The following COMMD1 variants were observed in gnomAD, a reference collection of about 807,000 sequenced individuals.
COMMD1 encodes COMM domain-containing protein 1.
COMMD1 carries 10 observed loss-of-function variants against 17.2 expected under a neutral mutation model. The ratio of observed to expected loss-of-function variants is 0.58; its 90% confidence interval spans 0.36 to 0.99. The LOEUF (loss-of-function observed/expected upper bound fraction) is 0.99, where lower values mean the gene tolerates loss of function less well. Ranked by LOEUF, COMMD1 falls within the 50% of genes least tolerant of loss-of-function variation. COMMD1 has a pLI of 0.01. For missense variants in COMMD1, 270 were observed against 231.8 expected (o/e 1.17, Z -1.07); for synonymous variants, 97 against 91.6 (o/e 1.06, Z -0.34).
At chr2:62,003,307 C>A (rs1307955294) in intron 2 of COMMD1, among the ~76,000 whole-genome samples, 2 of 151,336 alleles carry the variant, frequency 1.3e-5, no homozygotes, top group African/African-American at 4.9e-5. Context: ...TTTGGGAGGC[C>A]AAGGCAGGTG....
intron 2 of COMMD1, among the ~76,000 whole-genome samples, chr2:62,039,660 CGAAG>C (rs1670132855): frequency 6.6e-6 from 1 of 152,130 alleles, no homozygotes; most frequent in Admixed American, 6.6e-5. Context: ...TTCTGTCTGA[CGAAG>C]GAACATATAT....
At chr2:62,065,126 A>G (rs1670992593) in intron 2 of COMMD1, among the ~76,000 whole-genome samples, 1 of 152,046 alleles carries the variant, frequency 6.6e-6, no homozygotes, top group Non-Finnish European at 1.5e-5. Context: ...GTGGTGAGCC[A>G]AGATTGTGCC....
rs147088607 is a variant in COMMD1, at chr2:61,942,253, G to T, written c.180+36395G>T. Reference sequence around the variant, plus strand: ...CGAGTAGCTGGGATTACAGGCATGCGCCACCACGGCCAGCTAATTTTTGTA... The same window carrying T: ...CGAGTAGCTGGGATTACAGGCATGCTCCACCACGGCCAGCTAATTTTTGTA... On this transcript the variant is annotated intron_variant, in intron 1 of 2. Coordinates refer to ENST00000311832, the MANE Select transcript of COMMD1 (RefSeq NM_152516.4). 5.0e-3 allele frequency among the ~76,000 whole-genome samples: 760 copies of T among 151,458 alleles called. 6 individuals are homozygous for T. Among genetic ancestry groups the T allele is most frequent in the African/African-American group, 0.018 (723 of 41,234 alleles).
chr2:61,988,136 CTGTT>C (rs2103771520), intron 1 of COMMD1, among the ~76,000 whole-genome samples: 1 of 152,274 alleles, frequency 6.6e-6, no homozygotes, highest in Non-Finnish European at 1.5e-5. Flanking sequence ...GCTCCAGAGT[CTGTT>C]TGGTGCTCTT....
intron 2 of COMMD1, among the ~76,000 whole-genome samples, chr2:62,021,745 T>TAA (rs1440185163): frequency 1.3e-5 from 2 of 152,234 alleles, no homozygotes; most frequent in Non-Finnish European, 2.9e-5. Flanking sequence ...CAAGTCTATA[T>TAA]AACTTTGCCC....
At chr2:61,916,259 G>T (rs1040763494) in intron 1 of COMMD1, among the ~76,000 whole-genome samples, 1 of 151,728 alleles carries the variant, frequency 6.6e-6, no homozygotes, top group South Asian at 2.1e-4. Context: ...ACCACACCTG[G>T]TCTCTTCTGG....
upstream of COMMD1, among the ~76,000 whole-genome samples, chr2:61,904,035 G>GTC (rs575103565): frequency 3.6e-3 from 549 of 152,150 alleles, 1 homozygote; most frequent in Non-Finnish European, 5.2e-3. Context: ...TTGAGACGGA[G>GTC]TCTCCCTCTT....
intron 2 of COMMD1, among the ~76,000 whole-genome samples, chr2:62,048,252 G>A (rs933385615): frequency 6.8e-5 from 10 of 147,412 alleles, no homozygotes; most frequent in African/African-American, 1.3e-4. Flanking sequence ...GCGCGATCTC[G>A]GCTCACTGCA....
At chr2:61,922,667 CT>C (rs1331272669) in intron 1 of COMMD1, among the ~76,000 whole-genome samples, 1 of 152,152 alleles carries the variant, frequency 6.6e-6, no homozygotes, top group Non-Finnish European at 1.5e-5. Flanking sequence ...TTTCTTTCCC[CT>C]TATGTAACTT....
intron 2 of COMMD1, among the ~76,000 whole-genome samples, chr2:62,066,065 C>T (rs1456279833): frequency 6.6e-6 from 1 of 152,158 alleles, no homozygotes; most frequent in Admixed American, 6.5e-5. Flanking sequence ...TGATTTTACG[C>T]AGTGAAACTG....
intron 2 of COMMD1, among the ~76,000 whole-genome samples, chr2:62,032,076 A>G (rs1669922695): frequency 6.6e-6 from 1 of 152,204 alleles, no homozygotes; most frequent in African/African-American, 2.4e-5. Context: ...ATTTTTGAAA[A>G]GTTTTGAGTA....
chr2:61,922,379 A>T (rs1046292832), intron 1 of COMMD1, among the ~76,000 whole-genome samples: 1 of 152,148 alleles, frequency 6.6e-6, no homozygotes, highest in Non-Finnish European at 1.5e-5. Context: ...ATGCAATGGC[A>T]CGATATTGGC....
intron 2 of COMMD1, among the ~76,000 whole-genome samples, chr2:62,058,369 A>G (rs1369173151): frequency 6.6e-6 from 1 of 152,070 alleles, no homozygotes; most frequent in Non-Finnish European, 1.5e-5. Flanking sequence ...TCTCCCTTTA[A>G]TTCTCTCAAA....
chr2:62,103,001 C>T (rs1306540900), intron 2 of COMMD1, among the ~76,000 whole-genome samples: 6 of 146,166 alleles, frequency 4.1e-5, no homozygotes, highest in African/African-American at 7.6e-5. Flanking sequence ...TTTTTTGAGA[C>T]GGAGGCTCGC....
Position 62,095,874 on chromosome 2 carries a change from T to C in COMMD1, c.463-39957T>C, listed in dbSNP as rs1671993830. On this transcript the variant is annotated intron_variant, in intron 2 of 2. Coordinates refer to ENST00000311832, the MANE Select transcript of COMMD1 (RefSeq NM_152516.4). ...GTATATATAACCCTGTGTGTATATA[T>C]ACACATACACACAGGTATATATAAT... Among the ~76,000 whole-genome samples the C allele has an allele frequency of 2.2e-5, 3 of 138,632 alleles. No homozygotes were observed. In the South Asian group the frequency reaches 6.7e-4, roughly 31 times the overall value. The allele number at this position is 138,632 out of a possible 152,430, so 90.9% of individuals were successfully genotyped here.
intron 1 of COMMD1, among the ~76,000 whole-genome samples, chr2:61,894,559 G>A (rs780528328): frequency 1.3e-5 from 2 of 151,672 alleles, no homozygotes; most frequent in Non-Finnish European, 2.9e-5. Flanking sequence ...CGTAAATGTG[G>A]ACTAGAAACG....
intron 2 of COMMD1, 105 bp downstream of exon 2, chr2:62,001,087 C>A: frequency 9.2e-7 from 1 of 1,088,436 alleles, no homozygotes; most frequent in Admixed American, 1.9e-5. Flanking sequence ...CAGGAAAAGA[C>A]ACTGTTTCCT....
chr2:61,980,616 T>G (rs906157730), intron 1 of COMMD1, among the ~76,000 whole-genome samples: 1 of 144,234 alleles, frequency 6.9e-6, no homozygotes, highest in Non-Finnish European at 1.5e-5. Flanking sequence ...TTGTTGTAAA[T>G]TTGTTTGAGT....
intron 2 of COMMD1, among the ~76,000 whole-genome samples, chr2:62,027,021 T>C (rs544303915): frequency 5.1e-4 from 77 of 152,334 alleles, no homozygotes; most frequent in African/African-American, 1.8e-3. Flanking sequence ...TTGTATATAC[T>C]TGAATCCTTT....
Sources: allele counts gnomAD v4.1 joint callset (sites outside exome capture counted in the v4.1 genomes callset), GRCh38; gene constraint gnomAD v4.1.1; transcripts MANE v1.5; gene names NCBI Gene and HGNC (gene_info 2026-07-23, HGNC 2026-07-21).